Variants in CFAP221 observed in about 807,000 individuals in gnomAD.
CFAP221 encodes the protein cilia- and flagella-associated protein 221.
Under a neutral mutation model 113.1 loss-of-function variants are expected in CFAP221, and 97 were observed. The ratio of observed to expected loss-of-function variants is 0.86; its 90% confidence interval spans 0.73 to 1.02. The LOEUF (loss-of-function observed/expected upper bound fraction) is 1.02. Among genes scored for constraint, CFAP221 ranks in the 50% least tolerant of loss-of-function variants. The pLI is 0.00. For synonymous variants in CFAP221, 331 were observed against 354.4 expected (o/e 0.93, Z 0.74); for missense variants, 1,025 against 1,013.4 (o/e 1.01, Z -0.16).
intron 15 of CFAP221, 120 bp downstream of exon 15, chr2:119,625,808 G>A (rs1171241761): frequency 4.0e-6 from 3 of 745,000 alleles, no homozygotes; most frequent in African/African-American, 3.5e-5. Flanking sequence ...ACAAATGTTA[G>A]TTTCCTATCC....
intron 16 of CFAP221, among the ~76,000 whole-genome samples, chr2:119,628,292 GGGGTGTGTGTGTGTGTGTGTGT>G (rs1408196823): frequency 8.3e-5 from 1 of 12,050 alleles, no homozygotes; most frequent in Non-Finnish European, 3.8e-4. Context: ...CTCTCTCTGG[GGGGTGTGTGTGTGTGTGTGTGT>G]GTGTGTGTGT....
intron 14 of CFAP221, among the ~76,000 whole-genome samples, chr2:119,618,916 A>G (rs1315768910): frequency 6.6e-6 from 1 of 152,162 alleles, no homozygotes; most frequent in African/African-American, 2.4e-5. Context: ...GGCGTCTGCC[A>G]TTACTGAGGC....
chr2:119,635,545 T>C (rs934399662), intron 19 of CFAP221, among the ~76,000 whole-genome samples: 1 of 151,586 alleles, frequency 6.6e-6, no homozygotes. Flanking sequence ...GAAGTGAGGA[T>C]GGGGGAATGA....
rs574794502 is a variant in CFAP221, at chr2:119,629,792, G to A, written c.1651-83G>A. The A allele has an allele frequency of 8.2e-5, 92 of 1,127,696 alleles. 1 individual carries two copies. Among genetic ancestry groups the A allele is most frequent in the South Asian group, 7.4e-4 (52 of 70,716 alleles). 69.9% of individuals were successfully genotyped at this position (1,127,696 alleles called of 1,614,324 possible). ...TCTGAGAGTAGAACTGGTCACTAATGTTTCAAAATGTAGTGGAAACAGAAG... is the reference window on the plus strand; with the variant it reads ...TCTGAGAGTAGAACTGGTCACTAATATTTCAAAATGTAGTGGAAACAGAAG... On this transcript the variant is annotated intron_variant, in intron 16 of 23. Transcript: ENST00000413369.
intron 6 of CFAP221, among the ~76,000 whole-genome samples, chr2:119,562,695 G>T (rs867039235): frequency 6.6e-6 from 1 of 152,180 alleles, no homozygotes; most frequent in East Asian, 1.9e-4. Context: ...TGATTCCAAT[G>T]TAATTTAAGG....
At chr2:119,640,987 C>A (rs2104792046) in intron 21 of CFAP221, among the ~76,000 whole-genome samples, 1 of 152,294 alleles carries the variant, frequency 6.6e-6, no homozygotes, top group African/African-American at 2.4e-5. Flanking sequence ...AGAGCTCACC[C>A]AACTTGTAGT....
intron 7 of CFAP221, among the ~76,000 whole-genome samples, chr2:119,588,769 A>G (rs1273670745): frequency 6.6e-6 from 1 of 152,190 alleles, no homozygotes; most frequent in Admixed American, 6.5e-5. Flanking sequence ...ATTAAATTGA[A>G]TATACCAGTT....
At chr2:119,633,066 G>A (rs2104770637) in intron 19 of CFAP221, among the ~76,000 whole-genome samples, 1 of 152,108 alleles carries the variant, frequency 6.6e-6, no homozygotes, top group Admixed American at 6.5e-5. Context: ...CATACATTAT[G>A]GTCAACTGAT....
chr2:119,553,389 C>A (rs1680565067), intron 3 of CFAP221, among the ~76,000 whole-genome samples: 3 of 151,968 alleles, frequency 2.0e-5, no homozygotes, highest in South Asian at 4.1e-4. Flanking sequence ...TGGGTTGGGA[C>A]AAGAATATCA....
At chr2:119,626,005 A>G (rs1283056294) in intron 15 of CFAP221, among the ~76,000 whole-genome samples, 2 of 152,188 alleles carry the variant, frequency 1.3e-5, no homozygotes, top group Admixed American at 6.5e-5. Flanking sequence ...TCTGGAGGTC[A>G]GAAGTCTAAA....
intron 7 of CFAP221, among the ~76,000 whole-genome samples, chr2:119,599,149 G>A (rs1684195026): frequency 6.6e-6 from 1 of 152,154 alleles, no homozygotes; most frequent in South Asian, 2.1e-4. Flanking sequence ...CATTGAAAGA[G>A]TTTGACTTCT....
At chr2:119,649,504 A>G (rs1687996901) in intron 22 of CFAP221, among the ~76,000 whole-genome samples, 1 of 152,226 alleles carries the variant, frequency 6.6e-6, no homozygotes, top group Non-Finnish European at 1.5e-5. Flanking sequence ...ACGCAAGAAC[A>G]GTAAGTCAGG....
chr2:119,634,237 G>A (rs1199965801), intron 19 of CFAP221, among the ~76,000 whole-genome samples: 2 of 152,190 alleles, frequency 1.3e-5, no homozygotes, highest in Non-Finnish European at 2.9e-5. Context: ...CACTTTGGGA[G>A]GCTAAGGCAG....
At chr2:119,570,317 G>A (rs372191786) in intron 6 of CFAP221, among the ~76,000 whole-genome samples, 3 of 152,112 alleles carry the variant, frequency 2.0e-5, no homozygotes, top group East Asian at 3.9e-4. Flanking sequence ...GCTAGAACTG[G>A]GTATTTCTCT....
intron 22 of CFAP221, chr2:119,648,426 T>G (rs1467680531): frequency 3.5e-6 from 1 of 287,580 alleles, no homozygotes; most frequent in Non-Finnish European, 7.9e-6. Context: ...ATTTTTCATG[T>G]CTTTGGGGGT....
At chr2:119,578,815 C>G (rs1388914250) in intron 6 of CFAP221, among the ~76,000 whole-genome samples, 1 of 152,142 alleles carries the variant, frequency 6.6e-6, no homozygotes, top group African/African-American at 2.4e-5. Context: ...AGCCTCTTCA[C>G]CCCCCTCTCT....
At chr2:119,583,583 A>G (rs1385913537) in intron 6 of CFAP221, among the ~76,000 whole-genome samples, 1 of 152,154 alleles carries the variant, frequency 6.6e-6, no homozygotes, top group Non-Finnish European at 1.5e-5. Context: ...ATTGCAATAC[A>G]CTAGTAATAA....
At position 119,571,394 on chromosome 2, in the gene CFAP221, C is replaced by T. The variant is rs544999907; in HGVS notation, c.527+9280C>T. Among the ~76,000 whole-genome samples, 3 of 151,936 alleles carry T rather than the reference C, an allele frequency of 2.0e-5. No individual in the cohort carries two copies. The East Asian group carries it at 5.9e-4, about 30-fold the overall frequency. On this transcript the variant is annotated intron_variant, in intron 6 of 23. Transcript: ENST00000413369. ...ACCTCAGGTGATCCACCCACCTCCG[C>T]CTCCCAGAGTGCTGGCATTACAGGC...
intron 11 of CFAP221, among the ~76,000 whole-genome samples, chr2:119,606,653 A>C (rs568155992): frequency 1.3e-5 from 2 of 152,284 alleles, no homozygotes; most frequent in South Asian, 4.1e-4. Context: ...AGAAGGAAAA[A>C]AAATCACGGT....
Sources: allele counts gnomAD v4.1 joint callset (sites outside exome capture counted in the v4.1 genomes callset), GRCh38; gene constraint gnomAD v4.1.1; transcripts MANE v1.5; gene names NCBI Gene and HGNC (gene_info 2026-07-23, HGNC 2026-07-21).